The following YTHDC1 variants were observed in gnomAD, a reference collection of about 807,000 sequenced individuals.
YTHDC1 encodes YTH N6-methyladenosine RNA binding protein C1.
Under a neutral mutation model 107.0 loss-of-function variants are expected in YTHDC1, and 12 were observed. That is an observed-to-expected ratio of 0.11 (90% CI 0.07 to 0.18). The LOEUF (loss-of-function observed/expected upper bound fraction) is 0.18, where lower values mean the gene tolerates loss of function less well. Ranked by LOEUF, YTHDC1 falls within the 10% of genes least tolerant of loss-of-function variation. The pLI is 1.00. For synonymous variants in YTHDC1, 280 were observed against 289.5 expected, an observed-to-expected ratio of 0.97 and a Z score of 0.33; for missense variants, 635 against 898.8, an observed-to-expected ratio of 0.71 and a Z score of 3.75.
At position 68,318,399 on chromosome 4, in the gene YTHDC1, C is replaced by T. The variant is rs149608455; in HGVS notation, c.1824+120G>A. 766 of 1,008,108 alleles carry T rather than the reference C, an allele frequency of 7.6e-4. 2 individuals are homozygous for T. The African/African-American group carries it at 0.011, about 14-fold the overall frequency. The allele number at this position is 1,008,108 out of a possible 1,614,324, so 62.4% of individuals were successfully genotyped here. On this transcript the variant is annotated intron_variant, in intron 15 of 16. Coordinates refer to ENST00000344157, the MANE Select transcript of YTHDC1 (RefSeq NM_001031732.4). ...CTGGGACTGCAGGTGTGAGCCACGG[C>T]GCCTGGCCAGTTTAAGTCTCTTTAA...
intron 15 of YTHDC1, 42 bp downstream of exon 15, chr4:68,318,477 C>A: frequency 6.5e-7 from 1 of 1,531,966 alleles, no homozygotes; most frequent in Non-Finnish European, 8.9e-7. Context: ...ACTAGAACTG[C>A]AAATTAAGTT....
chr4:68,349,743 T>A lies in YTHDC1; in HGVS notation c.11A>T (p.Asp4Val). ...GCACTAACCTTTCTCCTCCCGACTG[T>A]CAGCCGCCATGGCTCCCCTTCGGTT... Reference protein sequence around the residue: MAADSREEKDGELN... With the variant: MAAVSREEKDGELN... Residue 4 changes from aspartate to valine, a missense_variant, in exon 1 of 17, where the codon GAC (aspartate) becomes GTC (valine). Around this residue, in one of 5 missense-constraint regions of YTHDC1, gnomAD observed 21 missense variants for 21.4 expected, o/e 0.98. Transcript: ENST00000344157. 6.2e-7 allele frequency: 1 copy of A among 1,612,210 alleles called. No individual in the cohort carries two copies. The highest frequency in any genetic ancestry group is 8.5e-7 in the Non-Finnish European group (1 of 1,179,160).
At chr4:68,333,468 A>G in intron 4 of YTHDC1, 71 bp from the exon 5 acceptor site, 2 of 1,107,496 alleles carry the variant, frequency 1.8e-6, no homozygotes, top group Middle Eastern at 2.6e-4. Context: ...ACAAGAATGT[A>G]TCATTACATG....
chr4:68,349,692 C>A, intron 1 of YTHDC1, 34 bp downstream of exon 1: 1 of 1,565,466 alleles, frequency 6.4e-7, no homozygotes, highest in Non-Finnish European at 8.7e-7. Flanking sequence ...GGGCCCCAGC[C>A]TCGCCTCGGC....
chr4:68,327,621 G>A (rs1723139990), intron 9 of YTHDC1, among the ~76,000 whole-genome samples: 1 of 152,088 alleles, frequency 6.6e-6, no homozygotes. Flanking sequence ...TATATCCAAA[G>A]GGTCCTTAAA....
rs1190503858 is a variant in YTHDC1, at chr4:68,332,037, A to C, written c.1122+66T>G. 6 of 1,006,264 alleles carry C rather than the reference A, an allele frequency of 6.0e-6. 1 individual carries two copies. The highest frequency in any genetic ancestry group is 8.8e-6 in the Non-Finnish European group (6 of 683,012). The allele number at this position is 1,006,264 out of a possible 1,614,324, so 62.3% of individuals were successfully genotyped here. Reference sequence around the variant, plus strand: ...TAATACCTATGCTACTTGATATAATACAAGTCTATTTTCCCATTTAAAAAT... The same window carrying C: ...TAATACCTATGCTACTTGATATAATCCAAGTCTATTTTCCCATTTAAAAAT... On this transcript the variant is annotated intron_variant, in intron 7 of 16. Transcript: ENST00000344157.
intron 1 of YTHDC1, among the ~76,000 whole-genome samples, chr4:68,347,994 T>TA (rs1386088573): frequency 3.9e-5 from 6 of 152,054 alleles, no homozygotes; most frequent in South Asian, 2.1e-4. Context: ...GAAAATTAAA[T>TA]AAAAAAAACT....
chr4:68,328,807 T>C (rs997768269), intron 9 of YTHDC1, among the ~76,000 whole-genome samples: 2 of 152,176 alleles, frequency 1.3e-5, no homozygotes, highest in Non-Finnish European at 2.9e-5. Flanking sequence ...CAAACCTAAA[T>C]GGTATAGCCT....
intron 12 of YTHDC1, among the ~76,000 whole-genome samples, chr4:68,319,072 G>A (rs116670254): frequency 1.7e-3 from 259 of 152,272 alleles, no homozygotes; most frequent in African/African-American, 6.0e-3. Context: ...ATTGTAAACT[G>A]CTAGAGAAGC....
At chr4:68,338,246 C>G in intron 2 of YTHDC1, 37 bp downstream of exon 2, 1 of 1,528,524 alleles carries the variant, frequency 6.5e-7, no homozygotes, top group Non-Finnish European at 8.9e-7. Flanking sequence ...TCTATTTATA[C>G]TGTTATTTCA....
chr4:68,345,756 A>G (rs778673857), intron 1 of YTHDC1, among the ~76,000 whole-genome samples: 3 of 152,162 alleles, frequency 2.0e-5, no homozygotes, highest in Non-Finnish European at 4.4e-5. Context: ...CTAAGAAATT[A>G]CTATAGTGAG....
Position 68,313,151 on chromosome 4 carries a change from T to C in YTHDC1, c.*948A>G, listed in dbSNP as rs746143000. On this transcript the variant is annotated 3_prime_UTR_variant, in exon 17 of 17. Coordinates refer to ENST00000344157, the MANE Select transcript of YTHDC1 (RefSeq NM_001031732.4). ...AACTCTGTGTATCTTATGTTAGAAA[T>C]AGAAGTAAGCTTTTAATGCAACAGG... 2.6e-5 allele frequency: 4 copies of C among 152,196 alleles called. No individual in the cohort carries two copies. Among genetic ancestry groups the C allele is most frequent in the South Asian group, 2.1e-4 (1 of 4,834 alleles). 9.4% of individuals were successfully genotyped at this position (152,196 alleles called of 1,614,324 possible).
At chr4:68,316,992 G>C (rs1176587881) in intron 15 of YTHDC1, among the ~76,000 whole-genome samples, 2 of 152,172 alleles carry the variant, frequency 1.3e-5, no homozygotes, top group Non-Finnish European at 2.9e-5. Flanking sequence ...AGTGCTTTGG[G>C]AGGCTGAGGG....
intron 15 of YTHDC1, among the ~76,000 whole-genome samples, chr4:68,318,031 A>G (rs1722050491): frequency 6.6e-6 from 1 of 152,220 alleles, no homozygotes; most frequent in African/African-American, 2.4e-5. Flanking sequence ...AGCCTGTACT[A>G]TTAACACAAA....
intron 1 of YTHDC1, among the ~76,000 whole-genome samples, chr4:68,346,880 G>A (rs941255149): frequency 6.6e-6 from 1 of 152,098 alleles, no homozygotes; most frequent in Admixed American, 6.5e-5. Context: ...GTATAGATAG[G>A]ATATAGTAAT....
chr4:68,320,316 T>C (rs1253119011), intron 11 of YTHDC1, 111 bp from the exon 12 acceptor site: 9 of 690,302 alleles, frequency 1.3e-5, no homozygotes, highest in African/African-American at 3.8e-5. Flanking sequence ...TTATTTAACA[T>C]CTTAATTTTT....
Position 68,318,868 on chromosome 4 carries a change from C to A in YTHDC1, c.1685-6G>T. 1 of 1,613,934 alleles carries A rather than the reference C, an allele frequency of 6.2e-7. No individual in the cohort carries two copies. The highest frequency in any genetic ancestry group is 1.1e-5 in the South Asian group (1 of 91,022). On this transcript the variant is annotated splice_region_variant and splice_polypyrimidine_tract_variant and intron_variant, in intron 12 of 16. Transcript: ENST00000344157. ...TCGTGGATCCTTTAAATACCCTGTT[C>A]AAACATCAAGCATTTTAGTAAATCA...
At chr4:68,320,666 T>C (rs894166396) in intron 11 of YTHDC1, among the ~76,000 whole-genome samples, 1 of 152,170 alleles carries the variant, frequency 6.6e-6, no homozygotes, top group African/African-American at 2.4e-5. Flanking sequence ...AATGTCATTT[T>C]AGGTTAAGTC....
intron 1 of YTHDC1, among the ~76,000 whole-genome samples, chr4:68,341,217 G>C (rs1451259799): frequency 6.6e-6 from 1 of 152,066 alleles, no homozygotes; most frequent in African/African-American, 2.4e-5. Context: ...TGAAGTTCCG[G>C]CTTTAGAAAT....
Sources: gnomAD v4.1 joint callset for allele counts (sites outside exome capture counted in the v4.1 genomes callset) on GRCh38, gnomAD v4.1.1 for gene constraint, gnomAD v4.1.1 regional missense constraint, MANE v1.5 for transcripts, NCBI Gene and HGNC (gene_info 2026-07-23, HGNC 2026-07-21) for gene names.